CMIP: variants seen among roughly 807,000 people sequenced by gnomAD.
The protein encoded by CMIP is C-Maf-inducing protein.
In CMIP, 13 loss-of-function variants were observed where a neutral mutation model predicts 97.3. The observed-to-expected ratio is 0.13, with a 90% CI of 0.09 to 0.21. CMIP has a LOEUF of 0.21. Ranked by LOEUF, CMIP falls within the 10% of genes least tolerant of loss-of-function variation. CMIP has a pLI of 1.00. For synonymous variants in CMIP, 538 were observed against 436.3 expected (o/e 1.23, Z -2.91); for missense variants, 847 against 1,024.9 (o/e 0.83, Z 2.37).
At chr16:81,530,913 C>T (rs978293462) in intron 1 of CMIP, among the ~76,000 whole-genome samples, 4 of 152,198 alleles carry the variant, frequency 2.6e-5, no homozygotes, top group African/African-American at 9.7e-5. Context: ...CCTGAGTACT[C>T]AGCCCACCCG....
chr16:81,643,334 C>A (rs1485850896), intron 3 of CMIP, among the ~76,000 whole-genome samples: 1 of 152,128 alleles, frequency 6.6e-6, no homozygotes, highest in Non-Finnish European at 1.5e-5. Context: ...TAGGGGAATC[C>A]AGGAACAGAA....
intron 1 of CMIP, among the ~76,000 whole-genome samples, chr16:81,493,503 G>T (rs76311388): frequency 4.6e-5 from 7 of 152,346 alleles, no homozygotes; most frequent in South Asian, 2.1e-4. Flanking sequence ...AGTGTGTACC[G>T]TGTGACTCAA....
intron 1 of CMIP, among the ~76,000 whole-genome samples, chr16:81,531,220 C>T (rs149188923): frequency 1.3e-4 from 20 of 152,230 alleles, no homozygotes; most frequent in African/African-American, 1.9e-4. Flanking sequence ...CACACAGGGA[C>T]GAGCACCGTG....
In CMIP at chr16:81,664,707, G is replaced by T. The variant is rs185135612; in HGVS notation, c.825+358G>T. The stretch of plus-strand genomic sequence containing the variant: ...TTTAGTGTGTGCTGCGCACAGCGAG[G>T]TCCTTCCAGAGAGCACTGTATGGAA... On this transcript the variant is annotated intron_variant, in intron 7 of 20. Transcript: ENST00000537098. 1.1e-5 allele frequency: 5 copies of T among 455,832 alleles called. No individual in the cohort carries two copies. The East Asian group carries it at 1.3e-4, about 12-fold the overall frequency. 28.2% of individuals were successfully genotyped at this position (455,832 alleles called of 1,614,324 possible). A position where few individuals can be genotyped will look rare whatever the true frequency, so the allele number is the denominator to read the frequency against.
intron 1 of CMIP, among the ~76,000 whole-genome samples, chr16:81,459,038 A>ACCATCACCG: frequency 6.7e-6 from 1 of 150,120 alleles, no homozygotes; most frequent in Non-Finnish European, 1.5e-5. Context: ...CACCATCACC[A>ACCATCACCG]TCACCATCAC....
At position 81,693,344 on chromosome 16, in the gene CMIP, G is replaced by C. The variant is rs548089619; in HGVS notation, c.1482-95G>C. The C allele has an allele frequency of 1.1e-4, 164 of 1,520,748 alleles. No homozygotes were observed. In the African/African-American group the frequency reaches 1.1e-3, roughly 10 times the overall value. The allele number at this position is 1,520,748 out of a possible 1,614,324, so 94.2% of individuals were successfully genotyped here. ...GATCCACCGCCTTGCCCAGCTCCCTGGCCCGTTCTTCCTTGACACCATCCC... is the reference window on the plus strand; with the variant it reads ...GATCCACCGCCTTGCCCAGCTCCCTCGCCCGTTCTTCCTTGACACCATCCC... On this transcript the variant is annotated intron_variant, in intron 12 of 20. Coordinates refer to ENST00000537098, the MANE Select transcript of CMIP (RefSeq NM_198390.3).
At chr16:81,708,681 C>T (rs1306059689) in intron 20 of CMIP, among the ~76,000 whole-genome samples, 1 of 152,228 alleles carries the variant, frequency 6.6e-6, no homozygotes, top group Non-Finnish European at 1.5e-5. Flanking sequence ...GTTCACTGCC[C>T]AGTCTGGCCA....
rs1401274323 is a variant in CMIP at position 81,661,025 on chromosome 16, A to T, written c.744+79A>T. 3 of 1,573,908 alleles carry T rather than the reference A, an allele frequency of 1.9e-6. No homozygotes were observed. The African/African-American group carries it at 4.0e-5, about 21-fold the overall frequency. On this transcript the variant is annotated intron_variant, in intron 6 of 20. Transcript: ENST00000537098. ...CGCATACCAGGGATTGGGTTTGCAC[A>T]GAAAGGCCAAAAACCTGGGCCCCAC...
At chr16:81,575,770 T>C (rs9937613) in intron 1 of CMIP, among the ~76,000 whole-genome samples, 84,028 of 151,990 alleles carry the variant, frequency 0.55, 23,634 homozygotes, top group Non-Finnish European at 0.58. Context: ...CTGCCTCTGG[T>C]CCTTCCTGGC....
chr16:81,696,356 T>C (rs1464502748), intron 13 of CMIP: 2 of 620,688 alleles, frequency 3.2e-6, no homozygotes, highest in East Asian at 5.5e-5. Flanking sequence ...CAGAGTCCCC[T>C]GGGGTGTGGG....
At chr16:81,481,847 C>T (rs2089228877) in intron 1 of CMIP, among the ~76,000 whole-genome samples, 1 of 151,342 alleles carries the variant, frequency 6.6e-6, no homozygotes, top group Admixed American at 6.6e-5. Context: ...TCAGTCTTCA[C>T]ATCTCCTCTG....
rs538636747 is a variant in CMIP at position 81,583,642 on chromosome 16, A to G, written c.301-23925A>G. 8.5e-4 allele frequency among the ~76,000 whole-genome samples: 130 copies of G among 152,262 alleles called. 1 individual carries two copies. The highest frequency in any genetic ancestry group is 2.9e-3 in the African/African-American group (122 of 41,554). ...GTGTTTCCTCTCACTGTCAGCCCCA[A>G]CCGAGGCTTATTGGGGGTACTTTGT... On this transcript the variant is annotated intron_variant, in intron 1 of 20. Coordinates refer to ENST00000537098, the MANE Select transcript of CMIP (RefSeq NM_198390.3).
intron 3 of CMIP, among the ~76,000 whole-genome samples, chr16:81,622,706 C>T (rs980771499): frequency 6.6e-6 from 1 of 152,166 alleles, no homozygotes; most frequent in Non-Finnish European, 1.5e-5. Context: ...CTGTCAGGTG[C>T]GGTATCCCAC....
intron 1 of CMIP, among the ~76,000 whole-genome samples, chr16:81,569,698 G>A (rs1395481684): frequency 1.3e-5 from 2 of 152,214 alleles, no homozygotes; most frequent in Admixed American, 1.3e-4. Flanking sequence ...TGCAGAGTTT[G>A]GAAAAGATGG....
chr16:81,458,359 G>A (rs868841342), intron 1 of CMIP, among the ~76,000 whole-genome samples: 2 of 152,186 alleles, frequency 1.3e-5, no homozygotes, highest in Admixed American at 6.5e-5. Context: ...GTAGGGGTCA[G>A]GGAGCACTGC....
At chr16:81,521,507 A>G (rs1332874376) in intron 1 of CMIP, among the ~76,000 whole-genome samples, 3 of 152,128 alleles carry the variant, frequency 2.0e-5, no homozygotes, top group African/African-American at 7.2e-5. Flanking sequence ...GGTTGCAACA[A>G]TAGCATTTCT....
intron 1 of CMIP, among the ~76,000 whole-genome samples, chr16:81,556,164 C>T (rs759682506): frequency 6.6e-6 from 1 of 152,124 alleles, no homozygotes. Flanking sequence ...AGTCCACTTA[C>T]CTGGCTGCAC....
At chr16:81,583,520 C>G (rs1172464325) in intron 1 of CMIP, among the ~76,000 whole-genome samples, 1 of 152,196 alleles carries the variant, frequency 6.6e-6, no homozygotes, top group Non-Finnish European at 1.5e-5. Flanking sequence ...GAGAGCGGGA[C>G]CAGCACTCAA....
At chr16:81,675,013 G>A (rs570745668) in intron 9 of CMIP, among the ~76,000 whole-genome samples, 1 of 152,314 alleles carries the variant, frequency 6.6e-6, no homozygotes, top group African/African-American at 2.4e-5. Flanking sequence ...CCCTCCCAGT[G>A]CCATTCTGAT....
Sources: allele counts gnomAD v4.1 joint callset (sites outside exome capture counted in the v4.1 genomes callset), GRCh38; gene constraint gnomAD v4.1.1; transcripts MANE v1.5; gene names NCBI Gene and HGNC (gene_info 2026-07-23, HGNC 2026-07-21).